Variants in LMNTD1 observed in about 807,000 individuals in gnomAD.
LMNTD1 encodes the protein lamin tail domain-containing protein 1.
A neutral mutation model predicts 50.9 loss-of-function variants in LMNTD1; 35 were observed. That is an observed-to-expected ratio of 0.69 (90% confidence interval 0.53 to 0.91). The LOEUF (loss-of-function observed/expected upper bound fraction) is 0.91, where lower values mean the gene tolerates loss of function less well. Ranked by LOEUF, LMNTD1 falls within the 40% of genes least tolerant of loss-of-function variation. The pLI is 0.00. For synonymous variants in LMNTD1, 153 were observed against 161.9 expected, an observed-to-expected ratio of 0.94 and a Z score of 0.42; for missense variants, 470 against 475.5, an observed-to-expected ratio of 0.99 and a Z score of 0.11.
chr12:25,633,584 C>A (rs1946764756), intron 1 of LMNTD1, among the ~76,000 whole-genome samples: 1 of 152,074 alleles, frequency 6.6e-6, no homozygotes, highest in Admixed American at 6.5e-5. Flanking sequence ...AGCATTGGGT[C>A]AAAAATGAAA....
intron 1 of LMNTD1, chr12:25,630,745 G>A (rs772287671): frequency 5.8e-4 from 88 of 152,438 alleles, no homozygotes; most frequent in Non-Finnish European, 1.1e-3. Flanking sequence ...AGCAGGAGGA[G>A]GAGGCAGAAA....
intron 4 of LMNTD1, among the ~76,000 whole-genome samples, chr12:25,528,335 T>G (rs1218318120): frequency 1.3e-5 from 2 of 152,170 alleles, no homozygotes; most frequent in Non-Finnish European, 2.9e-5. Flanking sequence ...ACTCAATAAA[T>G]GTTAACCCTT....
intron 1 of LMNTD1, chr12:25,585,923 G>T (rs907669953): frequency 6.6e-5 from 10 of 152,182 alleles, no homozygotes; most frequent in Non-Finnish European, 5.9e-5. Flanking sequence ...TACAGATGAA[G>T]AAACTAAGTC....
rs944268933 is a variant in LMNTD1, at chr12:25,547,636, GA to G, written c.311-1083del. 6.3e-4 allele frequency among the ~76,000 whole-genome samples: 94 copies of G among 149,896 alleles called. 2 individuals are homozygous for G. The East Asian group carries it at 0.013, about 21-fold the overall frequency. On this transcript the variant is annotated intron_variant, in intron 3 of 9. Coordinates refer to ENST00000458174, the MANE Select transcript of LMNTD1 (RefSeq NM_001145728.2). ...CAGATTCCTCAAAGTATTTTGCTGA[GA>G]AAAAAAAAGCATTTGGAATTACATT...
intron 9 of LMNTD1, among the ~76,000 whole-genome samples, chr12:25,494,162 C>T (rs1938984836): frequency 6.6e-6 from 1 of 152,196 alleles, no homozygotes; most frequent in African/African-American, 2.4e-5. Context: ...TCTGTCTGAA[C>T]TCTATTCATT....
At chr12:25,514,297 T>C (rs866798294) in intron 8 of LMNTD1, among the ~76,000 whole-genome samples, 1 of 151,956 alleles carries the variant, frequency 6.6e-6, no homozygotes. Context: ...AGACAAATGG[T>C]TTTCCATATC....
At chr12:25,534,226 A>G (rs1942420181) in intron 4 of LMNTD1, among the ~76,000 whole-genome samples, 1 of 152,158 alleles carries the variant, frequency 6.6e-6, no homozygotes. Flanking sequence ...AACAGCTTTG[A>G]TTGAAAACAA....
upstream of LMNTD1, among the ~76,000 whole-genome samples, chr12:25,553,848 A>G (rs1943913744): frequency 6.6e-6 from 1 of 152,230 alleles, no homozygotes. Flanking sequence ...TAAGATATAT[A>G]AATGATGATT....
chr12:25,577,558 G>T (rs1945084676), intron 1 of LMNTD1, among the ~76,000 whole-genome samples: 1 of 152,138 alleles, frequency 6.6e-6, no homozygotes. Context: ...TGCTGAAGTT[G>T]CTTATCAGCT....
chr12:25,538,183 G>A lies in LMNTD1; in HGVS notation c.491+8191C>T, dbSNP rs1421623813. Among the ~76,000 whole-genome samples the A allele has an allele frequency of 2.6e-5, 2 of 78,406 alleles. 1 individual carries two copies. Among genetic ancestry groups the A allele is most frequent in the Non-Finnish European group, 6.3e-5 (2 of 31,828 alleles). 51.4% of individuals were successfully genotyped at this position (78,406 alleles called of 152,430 possible). A position where few individuals can be genotyped will look rare whatever the true frequency, so the allele number is the denominator to read the frequency against. On this transcript the variant is annotated intron_variant, in intron 4 of 9. Transcript: ENST00000458174. The stretch of plus-strand genomic sequence containing the variant: ...TATCCAGGAGAATTTCCCCAATCTA[G>A]CAAGGCAGGCCAACATTCAGATTCA...
At chr12:25,609,641 T>G (rs1449956845) in intron 1 of LMNTD1, among the ~76,000 whole-genome samples, 1 of 152,214 alleles carries the variant, frequency 6.6e-6, no homozygotes, top group Non-Finnish European at 1.5e-5. Context: ...TGCCTGGGTA[T>G]CACCAGCGGA....
At chr12:25,546,784 G>C (rs1323001840) in intron 3 of LMNTD1, among the ~76,000 whole-genome samples, 1 of 151,580 alleles carries the variant, frequency 6.6e-6, no homozygotes, top group African/African-American at 2.4e-5. Context: ...GAGTATTTCA[G>C]TTATCTTAAA....
intron 6 of LMNTD1, among the ~76,000 whole-genome samples, chr12:25,525,687 T>C (rs1235175544): frequency 6.6e-6 from 1 of 152,034 alleles, no homozygotes; most frequent in Non-Finnish European, 1.5e-5. Flanking sequence ...TCCCAAGCTT[T>C]AAGGATAAAA....
intron 6 of LMNTD1, among the ~76,000 whole-genome samples, chr12:25,521,129 G>A (rs1382211732): frequency 8.9e-6 from 1 of 112,606 alleles, no homozygotes; most frequent in Non-Finnish European, 2.2e-5. Context: ...CAGATATGAG[G>A]TTTGCAAACT....
chr12:25,644,313 CAAA>C (rs59091210), intron 1 of LMNTD1, among the ~76,000 whole-genome samples: 1 of 82,096 alleles, frequency 1.2e-5, no homozygotes, highest in Non-Finnish European at 2.2e-5. Flanking sequence ...CCTTTCTCTA[CAAA>C]AAAAAAAAAA....
At chr12:25,520,143 T>TAA in intron 6 of LMNTD1, 68 bp from the exon 7 acceptor site, 1 of 84,164 alleles carries the variant, frequency 1.2e-5, no homozygotes, top group Non-Finnish European at 2.5e-5. Context: ...TTATGAGATA[T>TAA]ACATATATAT....
chr12:25,626,032 T>A (rs969761414), intron 1 of LMNTD1, among the ~76,000 whole-genome samples: 1 of 152,262 alleles, frequency 6.6e-6, no homozygotes, highest in Non-Finnish European at 1.5e-5. Flanking sequence ...TTATGTCTTC[T>A]TCCCTTTCAA....
intron 5 of LMNTD1, 68 bp downstream of exon 5, chr12:25,526,701 A>G: frequency 9.5e-7 from 1 of 1,054,682 alleles, no homozygotes; most frequent in Non-Finnish European, 1.4e-6. Flanking sequence ...GCTGAGCCAC[A>G]GACTGTCAGT....
At position 25,519,880 on chromosome 12, in the gene LMNTD1, G is replaced by A; in HGVS notation, c.994C>T (p.Gln332Ter). 1 of 1,610,682 alleles carries A rather than the reference G, an allele frequency of 6.2e-7. No individual in the cohort carries two copies. Among genetic ancestry groups the A allele is most frequent in the Non-Finnish European group, 8.5e-7 (1 of 1,178,728 alleles). Residue 332 changes from glutamine (Q) to a stop codon, truncating the protein, a stop_gained, in exon 7 of 10, where the codon CAA (glutamine) becomes TAA (stop). Coordinates refer to ENST00000458174, the MANE Select transcript of LMNTD1 (RefSeq NM_001145728.2). LOFTEE classifies it high-confidence loss of function. Reference protein sequence around the residue: ...KKDISNYQVEQAQVLLKREKE... With the variant: ...KKDISNYQVE ...TACCTCTTAAGAAGAACTTGAGCTT[G>A]TTCCACCTGATAATTTGAGATATCT... is the stretch of plus-strand genomic sequence containing the variant.
Sources: allele counts gnomAD v4.1 joint callset (sites outside exome capture counted in the v4.1 genomes callset), GRCh38; gene constraint gnomAD v4.1.1; transcripts MANE v1.5; gene names NCBI Gene and HGNC (gene_info 2026-07-23, HGNC 2026-07-21).